The following TRIM36 variants were observed in gnomAD, a reference collection of about 807,000 sequenced individuals.
The protein encoded by TRIM36 is tripartite motif containing 36, also known as E3 ubiquitin-protein ligase TRIM36.
Under a neutral mutation model 72.4 loss-of-function variants are expected in TRIM36, and 42 were observed. That is an observed-to-expected ratio of 0.58 (90% CI 0.45 to 0.75). The LOEUF is 0.75. Among genes scored for constraint, TRIM36 ranks in the 30% least tolerant of loss-of-function variants. The pLI, the probability that TRIM36 is intolerant of heterozygous loss-of-function variation, is 0.00. For missense variants in TRIM36, 913 were observed against 857.1 expected, an observed-to-expected ratio of 1.07 and a Z score of -0.81; for synonymous variants, 315 against 282.8, an observed-to-expected ratio of 1.11 and a Z score of -1.14.
chr5:115,138,674 G>A (rs1387014899), intron 5 of TRIM36, among the ~76,000 whole-genome samples: 3 of 151,988 alleles, frequency 2.0e-5, no homozygotes, highest in Non-Finnish European at 4.4e-5. Context: ...CATACAAACT[G>A]TCATAAAATG....
chr5:115,161,750 G>A (rs1217508063), intron 2 of TRIM36, among the ~76,000 whole-genome samples: 1 of 152,148 alleles, frequency 6.6e-6, no homozygotes, highest in African/African-American at 2.4e-5. Flanking sequence ...AAATCAGTTG[G>A]CTGCTGTCAC....
In TRIM36 at chr5:115,137,104, G is replaced by A. The variant is rs764353828; in HGVS notation, c.1106C>T (p.Ser369Phe). 1 of 1,602,928 alleles carries A rather than the reference G, an allele frequency of 6.2e-7. No homozygotes were observed. The highest frequency in any genetic ancestry group is 1.3e-5 in the African/African-American group (1 of 74,438). ...LHLRIQKATE[S>F]LKSFRPAAQT... ...AGCTGCAGGTCTAAAGCTCTTCAAA[G>A]ATTCTGTGGCTTTCTGTATTCTGCA... is the stretch of plus-strand genomic sequence containing the variant. Residue 369 changes from serine (S) to phenylalanine (F), a missense_variant, in exon 7 of 10, where the codon TCT (serine) becomes TTT (phenylalanine). Coordinates refer to ENST00000513154, the MANE Select transcript of TRIM36 (RefSeq NM_001300759.2).
rs1752369193 is a variant in TRIM36, at chr5:115,126,608, G to C, written c.2046C>G (p.Asp682Glu). 7 of 1,614,164 alleles carry C rather than the reference G, an allele frequency of 4.3e-6. No homozygotes were observed. The highest frequency in any genetic ancestry group is 5.9e-6 in the Non-Finnish European group (7 of 1,180,010). ...QMKCLYERQV[D>E]CSHTLYPAFA... ...ATGCTGGATACAGTGTATGTGAACA[G>C]TCCACTTGGCGTTCATAAAGGCATT... The change falls in exon 10 of 10, where the codon GAC becomes GAG. Residue 682 changes from aspartate (D) to glutamate (E), a missense_variant. Coordinates refer to ENST00000513154, the MANE Select transcript of TRIM36 (RefSeq NM_001300759.2).
intron 3 of TRIM36, among the ~76,000 whole-genome samples, chr5:115,146,845 T>G (rs987501227): frequency 2.0e-5 from 3 of 152,186 alleles, no homozygotes; most frequent in Admixed American, 2.0e-4. Flanking sequence ...TCACACTGGA[T>G]TGTAATAGAA....
intron 1 of TRIM36, chr5:115,177,806 G>C (rs575055599): frequency 6.2e-7 from 1 of 1,614,130 alleles, no homozygotes; most frequent in Non-Finnish European, 8.5e-7. Context: ...AAGGGACAGC[G>C]GGCCTCTCCA....
rs1349716649 is a variant in TRIM36 at position 115,126,050 on chromosome 5, C to T, written c.*453G>A. The T allele has an allele frequency of 1.1e-4, 17 of 153,802 alleles. No homozygotes were observed. Among genetic ancestry groups the T allele is most frequent in the Admixed American group, 1.1e-3 (17 of 15,448 alleles). 9.5% of individuals were successfully genotyped at this position (153,802 alleles called of 1,614,324 possible). On this transcript the variant is annotated 3_prime_UTR_variant, in exon 10 of 10. Transcript: ENST00000513154. ...TTTGTTTTCCTATTGAAAACAAATG[C>T]AAGACACATTGCTTAGTACTAATTC...
chr5:115,128,184 A>G (rs1752455867), intron 9 of TRIM36, among the ~76,000 whole-genome samples: 1 of 151,448 alleles, frequency 6.6e-6, no homozygotes, highest in Non-Finnish European at 1.5e-5. Flanking sequence ...AGCCTGACCA[A>G]CATGGGGAAA....
upstream of TRIM36, among the ~76,000 whole-genome samples, chr5:115,172,515 C>T (rs1755161038): frequency 6.6e-6 from 1 of 152,178 alleles, no homozygotes; most frequent in African/African-American, 2.4e-5. Flanking sequence ...GCAGGTGGAT[C>T]ACCTGAGGTC....
upstream of TRIM36, among the ~76,000 whole-genome samples, chr5:115,172,091 CAA>C (rs1755140915): frequency 6.6e-6 from 1 of 152,082 alleles, no homozygotes; most frequent in African/African-American, 2.4e-5. Flanking sequence ...CAAATATGTT[CAA>C]AGTTTAATAA....
upstream of TRIM36, among the ~76,000 whole-genome samples, chr5:115,172,852 T>C (rs958747094): frequency 2.6e-5 from 4 of 152,100 alleles, no homozygotes; most frequent in African/African-American, 9.7e-5. Flanking sequence ...GAGCACAAAA[T>C]ATGATAACCA....
Position 115,137,613 on chromosome 5 carries a change from T to C in TRIM36, c.835A>G (p.Asn279Asp). 1 of 1,589,910 alleles carries C rather than the reference T, an allele frequency of 6.3e-7. No individual in the cohort carries two copies. The highest frequency in any genetic ancestry group is 1.4e-5 in the African/African-American group (1 of 73,720). The change falls in exon 6 of 10, where the codon AAT (asparagine) becomes GAT (aspartate). Residue 279 changes from asparagine (N) to aspartate (D), a missense_variant. Transcript: ENST00000513154. ...LNLLMKETEC[N>D]GERAKEEAIT... ...GCTTCTTCTTTAGCCCTCTCTCCAT[T>C]ACACTAAGAAAAAACAGTATCTCCA...
chr5:115,134,836 G>A (rs748985398), intron 7 of TRIM36, among the ~76,000 whole-genome samples: 2 of 152,034 alleles, frequency 1.3e-5, no homozygotes, highest in Non-Finnish European at 2.9e-5. Flanking sequence ...CACTGTGCCC[G>A]GCCTCTCAAT....
intron 2 of TRIM36, among the ~76,000 whole-genome samples, chr5:115,157,953 G>A (rs539982226): frequency 6.6e-6 from 1 of 152,176 alleles, no homozygotes; most frequent in African/African-American, 2.4e-5. Flanking sequence ...TGGACTCTGG[G>A]GACTCAGGCA....
chr5:115,153,357 T>C (rs1474833295), intron 2 of TRIM36, among the ~76,000 whole-genome samples: 3 of 137,026 alleles, frequency 2.2e-5, no homozygotes, highest in Non-Finnish European at 3.2e-5. Context: ...AACATATATA[T>C]ACCTAACACA....
chr5:115,163,646 A>G lies in TRIM36; in HGVS notation c.134T>C (p.Val45Ala), dbSNP rs763748140. ...PCQHSICHKC[V>A]KELLLTLDDS... The stretch of plus-strand genomic sequence containing the variant: ...ATCGAGAGTCAGCAGGAGTTCTTTT[A>G]CACATTTATGACAGATACTATGTTG... Residue 45 changes from valine to alanine, a missense_variant, in exon 2 of 10, where the codon GTA becomes GCA. Physicochemically the swap from Val to Ala is moderately conservative, Grantham distance 64. Coordinates refer to ENST00000513154, the MANE Select transcript of TRIM36 (RefSeq NM_001300759.2). 6.2e-7 allele frequency: 1 copy of G among 1,614,182 alleles called. No individual in the cohort carries two copies.
chr5:115,158,129 A>T lies in TRIM36; in HGVS notation c.262+5389T>A, dbSNP rs112290860. Among the ~76,000 whole-genome samples the T allele has an allele frequency of 1.5e-3, 161 of 106,918 alleles. 1 individual carries two copies. Among genetic ancestry groups the T allele is most frequent in the Admixed American group, 6.3e-4 (7 of 11,192 alleles). The allele number at this position is 106,918 out of a possible 152,430, so 70.1% of individuals were successfully genotyped here. A position where few individuals can be genotyped will look rare whatever the true frequency, so the allele number is the denominator to read the frequency against. On this transcript the variant is annotated intron_variant, in intron 2 of 9. Transcript: ENST00000513154. ...AAACTATGGAAATAAAAAAAATTTT[A>T]AAAATGAAAGAAAGAAAAGTAATGA...
At chr5:115,139,100 T>A (rs892596036) in intron 5 of TRIM36, among the ~76,000 whole-genome samples, 1 of 151,702 alleles carries the variant, frequency 6.6e-6, no homozygotes, top group Non-Finnish European at 1.5e-5. Context: ...ATTACAGGTG[T>A]GAGCCACTGC....
chr5:115,137,234 T>C, intron 6 of TRIM36, 110 bp from the exon 7 acceptor site: 1 of 1,475,074 alleles, frequency 6.8e-7, no homozygotes. Context: ...AAATTAAAGT[T>C]AAGAATGAGG....
chr5:115,144,121 G>A (rs138054778), intron 4 of TRIM36, among the ~76,000 whole-genome samples: 3 of 151,986 alleles, frequency 2.0e-5, no homozygotes, highest in South Asian at 2.1e-4. Context: ...TGATCCGCCC[G>A]CCTCGGCCTC....
Sources: gnomAD v4.1 joint callset for allele counts (sites outside exome capture counted in the v4.1 genomes callset) on GRCh38, gnomAD v4.1.1 for gene constraint, MANE v1.5 for transcripts, NCBI Gene and HGNC (gene_info 2026-07-23, HGNC 2026-07-21) for gene names.